Variants in LHFPL3 observed in about 807,000 individuals in gnomAD.
LHFPL3 encodes the protein LHFPL tetraspan subfamily member 3, also known as LHFPL tetraspan subfamily member 3 protein.
A neutral mutation model predicts 19.3 loss-of-function variants in LHFPL3; 5 were observed. That is an observed-to-expected ratio of 0.26 (90% confidence interval 0.14 to 0.54). LHFPL3 has a LOEUF of 0.54. Among genes scored for constraint, LHFPL3 ranks in the 20% least tolerant of loss-of-function variants. The pLI, the probability that LHFPL3 is intolerant of heterozygous loss-of-function variation, is 0.94. For synonymous variants in LHFPL3, 133 were observed against 126.2 expected (o/e 1.05, Z -0.36); for missense variants, 249 against 307.4 (o/e 0.81, Z 1.42).
chr7:104,489,078 C>CTTTTTTT (rs10706776), intron 1 of LHFPL3, among the ~76,000 whole-genome samples: 1 of 41,656 alleles, frequency 2.4e-5, no homozygotes, highest in African/African-American at 5.5e-5. Context: ...GTGCTGAAAT[C>CTTTTTTT]TTTTTTTTTT....
At chr7:104,586,295 T>A (rs1790575466) in intron 1 of LHFPL3, among the ~76,000 whole-genome samples, 1 of 152,072 alleles carries the variant, frequency 6.6e-6, no homozygotes, top group Non-Finnish European at 1.5e-5. Context: ...AGGACATTAT[T>A]TCTTCTTATA....
chr7:104,657,946 G>A (rs141271459), intron 1 of LHFPL3, among the ~76,000 whole-genome samples: 15 of 152,168 alleles, frequency 9.9e-5, no homozygotes, highest in African/African-American at 3.6e-4. Flanking sequence ...GTGATATGTG[G>A]GTCACCTTAA....
intron 1 of LHFPL3, among the ~76,000 whole-genome samples, chr7:104,607,912 A>G (rs1329971679): frequency 6.6e-6 from 1 of 152,178 alleles, no homozygotes; most frequent in African/African-American, 2.4e-5. Context: ...ATCATCACTA[A>G]CCATCAGAGA....
intron 1 of LHFPL3, among the ~76,000 whole-genome samples, chr7:104,639,239 C>A (rs1245228265): frequency 6.6e-6 from 1 of 152,094 alleles, no homozygotes; most frequent in African/African-American, 2.4e-5. Flanking sequence ...ATTTATTACT[C>A]ATTCAATTTC....
chr7:104,347,565 T>C (rs192896384), intron 1 of LHFPL3, among the ~76,000 whole-genome samples: 1 of 152,290 alleles, frequency 6.6e-6, no homozygotes, highest in East Asian at 1.9e-4. Context: ...TTACTCACTA[T>C]TGTAGTTTAG....
At chr7:104,627,312 T>C (rs1791563243) in intron 1 of LHFPL3, among the ~76,000 whole-genome samples, 1 of 152,216 alleles carries the variant, frequency 6.6e-6, no homozygotes, top group African/African-American at 2.4e-5. Flanking sequence ...TTTCCTTCTT[T>C]TTTAAGGCTG....
intron 2 of LHFPL3, among the ~76,000 whole-genome samples, chr7:104,883,235 G>A (rs1000111886): frequency 6.6e-6 from 1 of 151,974 alleles, no homozygotes. Flanking sequence ...TAGTTTTGCC[G>A]AGATCTCTTT....
At chr7:104,671,689 T>C (rs1263128841) in intron 1 of LHFPL3, among the ~76,000 whole-genome samples, 1 of 152,110 alleles carries the variant, frequency 6.6e-6, no homozygotes, top group Non-Finnish European at 1.5e-5. Context: ...CTTGGACAAA[T>C]TATTTAACCC....
chr7:104,557,694 A>G (rs1474698144), intron 1 of LHFPL3, among the ~76,000 whole-genome samples: 3 of 151,534 alleles, frequency 2.0e-5, no homozygotes, highest in Non-Finnish European at 4.4e-5. Context: ...ATTTTTTATT[A>G]TACTTTAAGT....
chr7:104,609,965 T>C (rs1791180593), intron 1 of LHFPL3, among the ~76,000 whole-genome samples: 1 of 152,224 alleles, frequency 6.6e-6, no homozygotes, highest in African/African-American at 2.4e-5. Context: ...GAAATTATGT[T>C]TCAAGAACAC....
chr7:104,709,877 G>A (rs1256418388), intron 1 of LHFPL3, among the ~76,000 whole-genome samples: 3 of 145,766 alleles, frequency 2.1e-5, no homozygotes, highest in African/African-American at 4.9e-5. Context: ...CATCCCAGAC[G>A]ATGGGTGGCC....
At chr7:104,415,505 A>G (rs569476367) in intron 1 of LHFPL3, among the ~76,000 whole-genome samples, 1 of 152,258 alleles carries the variant, frequency 6.6e-6, no homozygotes, top group African/African-American at 2.4e-5. Flanking sequence ...AAAATTAATA[A>G]TATTATATAA....
intron 2 of LHFPL3, among the ~76,000 whole-genome samples, chr7:104,879,135 G>A (rs1445209956): frequency 2.6e-5 from 4 of 152,152 alleles, no homozygotes; most frequent in African/African-American, 4.8e-5. Context: ...GCAAGGTAGG[G>A]GCTGGCCATG....
chr7:104,429,439 C>G (rs1176369644), intron 1 of LHFPL3, among the ~76,000 whole-genome samples: 1 of 150,608 alleles, frequency 6.6e-6, no homozygotes, highest in Non-Finnish European at 1.5e-5. Context: ...TCCCAAGTAG[C>G]TGAGATTACG....
Position 104,847,792 on chromosome 7 carries a change from G to A in LHFPL3, c.683-58395G>A, listed in dbSNP as rs148776098. On this transcript the variant is annotated intron_variant, in intron 2 of 2. Coordinates refer to ENST00000424859, the MANE Select transcript of LHFPL3 (RefSeq NM_199000.3). ...CTCCCAAAGTGCTGGGATTACAGGC[G>A]TGAGCCACTGTGACCGGCTATGATG... Among the ~76,000 whole-genome samples, 1,226 of 152,344 alleles carry A rather than the reference G, an allele frequency of 8.0e-3. 13 individuals are homozygous for A. Among genetic ancestry groups the A allele is most frequent in the African/African-American group, 0.028 (1,168 of 41,578 alleles).
chr7:104,744,512 G>C (rs1794003538), intron 2 of LHFPL3, among the ~76,000 whole-genome samples: 1 of 152,098 alleles, frequency 6.6e-6, no homozygotes, highest in Non-Finnish European at 1.5e-5. Flanking sequence ...TTTTCAGAAG[G>C]GCTCAAGTTA....
intron 1 of LHFPL3, among the ~76,000 whole-genome samples, chr7:104,504,320 T>G (rs971369276): frequency 6.6e-6 from 1 of 152,232 alleles, no homozygotes; most frequent in African/African-American, 2.4e-5. Context: ...CGTATTTACC[T>G]TATGTTTATA....
intron 1 of LHFPL3, among the ~76,000 whole-genome samples, chr7:104,729,684 C>T (rs569446675): frequency 1.3e-5 from 2 of 152,178 alleles, no homozygotes; most frequent in South Asian, 4.2e-4. Flanking sequence ...ATTCATGTTG[C>T]TGCAAATGAA....
At chr7:104,382,546 G>A (rs554818477) in intron 1 of LHFPL3, among the ~76,000 whole-genome samples, 2 of 152,296 alleles carry the variant, frequency 1.3e-5, no homozygotes, top group East Asian at 3.9e-4. Flanking sequence ...TGATGCCTGG[G>A]TTCCATCTCC....
Sources: allele counts gnomAD v4.1 joint callset (sites outside exome capture counted in the v4.1 genomes callset), GRCh38; gene constraint gnomAD v4.1.1; transcripts MANE v1.5; gene names NCBI Gene and HGNC (gene_info 2026-07-23, HGNC 2026-07-21).